The following PRKRIP1 variants were observed in gnomAD, a reference collection of about 807,000 sequenced individuals.
PRKRIP1 encodes the protein PRKR interacting protein 1.
Under a neutral mutation model 29.3 loss-of-function variants are expected in PRKRIP1, and 29 were observed. That is an observed-to-expected ratio of 0.99 (90% confidence interval 0.74 to 1.35). The LOEUF is 1.35. Among genes scored for constraint, PRKRIP1 ranks in the 40% most tolerant of loss-of-function variants. The pLI is 0.00. For synonymous variants in PRKRIP1, 90 were observed against 85.1 expected, an observed-to-expected ratio of 1.06 and a Z score of -0.32; for missense variants, 247 against 236.8, an observed-to-expected ratio of 1.04 and a Z score of -0.28.
intron 5 of PRKRIP1, 23 bp downstream of exon 5, chr7:102,407,521 G>T (rs1193726182): frequency 1.9e-6 from 3 of 1,568,854 alleles, no homozygotes; most frequent in Non-Finnish European, 2.6e-6. Flanking sequence ...CACTTTTCTT[G>T]GCTGTAGCTT....
intron 5 of PRKRIP1, among the ~76,000 whole-genome samples, chr7:102,421,569 T>G (rs1308069158): frequency 2.0e-5 from 3 of 151,850 alleles, no homozygotes; most frequent in Non-Finnish European, 4.4e-5. Flanking sequence ...GAGGCCAAGG[T>G]GGGCAGATCA....
chr7:102,423,287 G>GT (rs202219758), intron 5 of PRKRIP1: 23,387 of 403,530 alleles, frequency 0.058, 880 homozygotes, highest in African/African-American at 0.1. Flanking sequence ...GCTAATTTTT[G>GT]TATTTCTAGT....
chr7:102,401,485 G>A (rs190534182), intron 3 of PRKRIP1, among the ~76,000 whole-genome samples: 2 of 152,304 alleles, frequency 1.3e-5, no homozygotes, highest in East Asian at 3.9e-4. Flanking sequence ...TGTAATCCCA[G>A]CACTTTAGGA....
chr7:102,400,723 C>T (rs940999872), intron 3 of PRKRIP1, among the ~76,000 whole-genome samples: 1 of 152,146 alleles, frequency 6.6e-6, no homozygotes, highest in Non-Finnish European at 1.5e-5. Context: ...GCAACCTCCA[C>T]CTCCCAGTTT....
chr7:102,417,112 C>T (rs538531046), intron 5 of PRKRIP1, among the ~76,000 whole-genome samples: 89 of 152,204 alleles, frequency 5.8e-4, no homozygotes, highest in African/African-American at 1.9e-3. Flanking sequence ...GCCTCAGCCT[C>T]CCAAAGTCCT....
intron 4 of PRKRIP1, among the ~76,000 whole-genome samples, chr7:102,406,494 C>T (rs1796226306): frequency 6.6e-6 from 1 of 152,082 alleles, no homozygotes; most frequent in African/African-American, 2.4e-5. Context: ...ACCCACTTAC[C>T]GAGCTTTCTC....
intron 5 of PRKRIP1, 95 bp from the exon 6 acceptor site, chr7:102,424,918 AG>A (rs1796794056): frequency 3.1e-6 from 4 of 1,286,642 alleles, no homozygotes; most frequent in Non-Finnish European, 4.3e-6. Context: ...GTCTAGGAAC[AG>A]GGACTTTTGA....
At chr7:102,421,690 G>A (rs1796697661) in intron 5 of PRKRIP1, among the ~76,000 whole-genome samples, 1 of 152,052 alleles carries the variant, frequency 6.6e-6, no homozygotes, top group Non-Finnish European at 1.5e-5. Flanking sequence ...CCAGCTACTT[G>A]GGAGGCTGAG....
intron 4 of PRKRIP1, chr7:102,405,898 C>A: frequency 3.2e-6 from 1 of 315,942 alleles, no homozygotes; most frequent in Admixed American, 3.9e-5. Context: ...ATCCATGCTC[C>A]GGGATTTGAA....
At chr7:102,402,053 G>T (rs1176808082) in intron 3 of PRKRIP1, among the ~76,000 whole-genome samples, 1 of 152,180 alleles carries the variant, frequency 6.6e-6, no homozygotes, top group Non-Finnish European at 1.5e-5. Context: ...GTTGGTAACA[G>T]TCTCAATCCT....
At chr7:102,417,114 C>G (rs1554573205) in intron 5 of PRKRIP1, among the ~76,000 whole-genome samples, 3 of 152,042 alleles carry the variant, frequency 2.0e-5, no homozygotes. Flanking sequence ...CTCAGCCTCC[C>G]AAAGTCCTGG....
At chr7:102,413,998 C>T (rs982403423) in intron 5 of PRKRIP1, among the ~76,000 whole-genome samples, 9 of 152,190 alleles carry the variant, frequency 5.9e-5, no homozygotes, top group Middle Eastern at 3.4e-3. Flanking sequence ...GAGGGCGAGG[C>T]GGACAGATCA....
intron 5 of PRKRIP1, among the ~76,000 whole-genome samples, chr7:102,408,193 G>A (rs1554572097): frequency 1.3e-5 from 2 of 152,192 alleles, no homozygotes; most frequent in Non-Finnish European, 2.9e-5. Flanking sequence ...GAAGGGGAGT[G>A]AGGTGGTACT....
In PRKRIP1 at chr7:102,425,336, C is replaced by T; in HGVS notation, c.*225C>T. ...CACTGCCTTGCAGACACCATCCGTG[C>T]TCCTGGTAAAGGGGGACAGAGAGCC... On this transcript the variant is annotated 3_prime_UTR_variant, in exon 6 of 6. Coordinates refer to ENST00000397912, the MANE Select transcript of PRKRIP1 (RefSeq NM_024653.4). 1.2e-6 allele frequency: 1 copy of T among 811,288 alleles called. No individual in the cohort carries two copies. Among genetic ancestry groups the T allele is most frequent in the East Asian group, 3.0e-5 (1 of 32,992 alleles). The allele number at this position is 811,288 out of a possible 1,614,324, so 50.3% of individuals were successfully genotyped here. A position where few individuals can be genotyped will look rare whatever the true frequency, so the allele number is the denominator to read the frequency against.
intron 2 of PRKRIP1, 37 bp from the exon 3 acceptor site, chr7:102,399,511 G>C (rs1489238570): frequency 3.8e-6 from 6 of 1,563,342 alleles, no homozygotes; most frequent in Non-Finnish European, 5.3e-6. Context: ...GTTGGTAACT[G>C]AATTTCATCT....
intron 3 of PRKRIP1, among the ~76,000 whole-genome samples, chr7:102,402,117 G>A (rs1456132872): frequency 6.6e-6 from 1 of 152,088 alleles, no homozygotes; most frequent in Non-Finnish European, 1.5e-5. Context: ...TCACTGCAGT[G>A]GGTTTGCCTG....
At chr7:102,408,085 G>A (rs1424102079) in intron 5 of PRKRIP1, among the ~76,000 whole-genome samples, 6 of 152,202 alleles carry the variant, frequency 3.9e-5, no homozygotes, top group South Asian at 2.1e-4. Context: ...TGGCTCAGCA[G>A]TGTAGGCTGG....
intron 3 of PRKRIP1, among the ~76,000 whole-genome samples, chr7:102,401,881 CGACAGAGTGA>C (rs1796082783): frequency 6.6e-6 from 1 of 152,092 alleles, no homozygotes; most frequent in South Asian, 2.1e-4. Context: ...CCAGCCTGGG[CGACAGAGTGA>C]GACTCCTTCT....
At chr7:102,396,626 G>C (rs1281343426) in intron 1 of PRKRIP1, 89 bp downstream of exon 1, 3 of 1,398,426 alleles carry the variant, frequency 2.1e-6, no homozygotes, top group Admixed American at 4.7e-5. Context: ...CACCTTCCCC[G>C]CCTCCAAACT....
Sources: gnomAD v4.1 joint callset for allele counts (sites outside exome capture counted in the v4.1 genomes callset) on GRCh38, gnomAD v4.1.1 for gene constraint, MANE v1.5 for transcripts, NCBI Gene and HGNC (gene_info 2026-07-23, HGNC 2026-07-21) for gene names.